POP5: variants seen among roughly 807,000 people sequenced by gnomAD.
POP5 encodes ribonuclease P/MRP protein subunit POP5.
Under a neutral mutation model 20.7 loss-of-function variants are expected in POP5, and 18 were observed. The ratio of observed to expected loss-of-function variants is 0.87; its 90% CI spans 0.60 to 1.29. The LOEUF is 1.29. POP5 is among the 50% of genes most tolerant of loss of function. POP5 has a pLI of 0.00. For missense variants in POP5, 200 were observed against 203.2 expected, an observed-to-expected ratio of 0.98 and a Z score of 0.10; for synonymous variants, 91 against 78.0, an observed-to-expected ratio of 1.17 and a Z score of -0.88.
chr12:120,578,904 CTG>C lies in POP5; in HGVS notation c.*412_*413del, dbSNP rs1434433796. 2 of 197,460 alleles carry C rather than the reference CTG, an allele frequency of 1.0e-5. No homozygotes were observed. Among genetic ancestry groups the C allele is most frequent in the Non-Finnish European group, 2.1e-5 (2 of 94,984 alleles). 12.2% of individuals were successfully genotyped at this position (197,460 alleles called of 1,614,324 possible). A position where few individuals can be genotyped will look rare whatever the true frequency, so the allele number is the denominator to read the frequency against. On this transcript the variant is annotated 3_prime_UTR_variant, in exon 5 of 5. Transcript: ENST00000357500. ...ACTACACTCCAGCCTGGGTGATAGA[CTG>C]AGACTGTCTCAAAAAAAAAAGTTTA...
intron 2 of POP5, chr12:120,580,211 C>CA (rs1174464481): frequency 2.7e-5 from 8 of 301,748 alleles, no homozygotes; most frequent in Non-Finnish European, 4.4e-5. Flanking sequence ...TGCTGCACTC[C>CA]AGCAGCCTGG....
Position 120,581,216 on chromosome 12 carries a change from C to T in POP5, c.62G>A (p.Arg21His), listed in dbSNP as rs1404770232. ...CELVSDDPRC[R>H]LSLDDRVLSS... is the part of the protein sequence containing the mutation. ...CAGAACTCGGTCATCGAGGCTTAGG[C>T]GGCAGCGGGGGTCGTCAGACACCAG... Residue 21 changes from arginine to histidine, a missense_variant, in exon 2 of 5, where the codon CGC (arginine) becomes CAC (histidine). Arg to His is a conservative substitution (Grantham distance 29). Transcript: ENST00000357500. The T allele has an allele frequency of 1.2e-6, 2 of 1,614,162 alleles. No individual in the cohort carries two copies. Among genetic ancestry groups the T allele is most frequent in the East Asian group, 4.5e-5 (2 of 44,882 alleles).
intron 3 of POP5, 61 bp downstream of exon 3, chr12:120,579,713 T>A: frequency 6.4e-7 from 1 of 1,556,400 alleles, no homozygotes. Context: ...CCCACCAGTT[T>A]AGACTGAACT....
At chr12:120,580,748 T>C (rs1350890372) in intron 2 of POP5, 5 of 247,500 alleles carry the variant, frequency 2.0e-5, no homozygotes, top group Admixed American at 1.0e-4. Flanking sequence ...CGGAGTACTT[T>C]TGACAATTTT....
intron 3 of POP5, 63 bp from the exon 4 acceptor site, chr12:120,579,660 GGTAGGGGGAAGT>G: frequency 6.5e-7 from 1 of 1,548,550 alleles, no homozygotes; most frequent in South Asian, 1.1e-5. Flanking sequence ...GACTTTCAGA[GGTAGGGGGAAGT>G]GTCTTGTTAG....
chr12:120,579,631 G>C (rs1447688159), intron 3 of POP5, 34 bp from the exon 4 acceptor site: 1 of 1,591,080 alleles, frequency 6.3e-7, no homozygotes, highest in Non-Finnish European at 8.6e-7. Flanking sequence ...AACAGCTTGT[G>C]AAAGATCTCG....
At position 120,579,811 on chromosome 12, in the gene POP5, GTGTCCTT is replaced by G. The variant is rs1327071085; in HGVS notation, c.269_275del (p.Lys90ThrfsTer16). ...ATGTGTTGAAAAAGCATGGGTAACG[GTGTCCTT>G]TGTTCTCCAAGTATGTGATGAAGGG... On this transcript the variant is annotated frameshift_variant, in exon 3 of 5. Transcript: ENST00000357500. LOFTEE classifies it high-confidence loss of function. The G allele has an allele frequency of 1.9e-6, 3 of 1,608,412 alleles. No homozygotes were observed. Among genetic ancestry groups the G allele is most frequent in the Non-Finnish European group, 1.7e-6 (2 of 1,174,816 alleles).
Position 120,579,593 on chromosome 12 carries a change from T to C in POP5, c.318A>G (p.Thr106=). ...TTAGGAACTTCTGACATGTTCTTAT[T>C]GTACCTGGCATATGAGTTACTGTGG... is the stretch of plus-strand genomic sequence containing the variant. The part of the protein sequence containing the change: ...CFFNTLHVGG[T]IRTCQKFLIQ... Residue 106 remains threonine (T), a synonymous_variant, in exon 4 of 5, where the codon ACA becomes ACG. Coordinates refer to ENST00000357500, the MANE Select transcript of POP5 (RefSeq NM_015918.4). 2 of 1,612,970 alleles carry C rather than the reference T, an allele frequency of 1.2e-6. No homozygotes were observed. Among genetic ancestry groups the C allele is most frequent in the Non-Finnish European group, 1.7e-6 (2 of 1,178,932 alleles).
rs776924484 is a variant in POP5, at chr12:120,579,942, A to G, written c.164-19T>C. The G allele has an allele frequency of 1.5e-5, 24 of 1,610,062 alleles. No individual in the cohort carries two copies. The highest frequency in any genetic ancestry group is 1.9e-5 in the Non-Finnish European group (22 of 1,178,390). On this transcript the variant is annotated intron_variant, in intron 2 of 4. Transcript: ENST00000357500. ...TATCGAACTACAACAGGAAAGAAAA[A>G]TCATTTTGGAAAACTTTTGCTCTGT... is the stretch of plus-strand genomic sequence containing the variant.
chr12:120,579,650 G>T, intron 3 of POP5, 53 bp from the exon 4 acceptor site: 2 of 1,559,138 alleles, frequency 1.3e-6, no homozygotes, highest in South Asian at 2.2e-5. Flanking sequence ...CGACCTTACA[G>T]ACTTTCAGAG....
Position 120,579,766 on chromosome 12 carries a change from A to C in POP5, c.313+8T>G. Reference sequence around the variant, plus strand: ...TGAAAATCAGTAGCCATACCACCTCACTCCTACCTCCCACATGTAATGTGT... The same window carrying C: ...TGAAAATCAGTAGCCATACCACCTCCCTCCTACCTCCCACATGTAATGTGT... On this transcript the variant is annotated splice_region_variant and intron_variant, in intron 3 of 4. Coordinates refer to ENST00000357500, the MANE Select transcript of POP5 (RefSeq NM_015918.4). 6.2e-7 allele frequency: 1 copy of C among 1,601,248 alleles called. No homozygotes were observed. The highest frequency in any genetic ancestry group is 8.6e-7 in the Non-Finnish European group (1 of 1,168,712).
rs541135322 is a variant in POP5 at position 120,578,974 on chromosome 12, G to T, written c.*344C>A. 3 of 306,152 alleles carry T rather than the reference G, an allele frequency of 9.8e-6. No homozygotes were observed. Among genetic ancestry groups the T allele is most frequent in the African/African-American group, 6.4e-5 (3 of 46,644 alleles). 19.0% of individuals were successfully genotyped at this position (306,152 alleles called of 1,614,324 possible). A position where few individuals can be genotyped will look rare whatever the true frequency, so the allele number is the denominator to read the frequency against. ...AGTCAGTCTTCCCACCAAGGCTAGG[G>T]ATAGAGAGAGAACAGAGACTTGGCC... On this transcript the variant is annotated 3_prime_UTR_variant, in exon 5 of 5. Coordinates refer to ENST00000357500, the MANE Select transcript of POP5 (RefSeq NM_015918.4).
Position 120,579,778 on chromosome 12 carries a change from C to A in POP5, c.309G>T (p.Val103=). The stretch of plus-strand genomic sequence containing the variant: ...GCCATACCACCTCACTCCTACCTCC[C>A]ACATGTAATGTGTTGAAAAAGCATG... ...RYPCFFNTLH[V]GGTIRTCQKF... The change falls in exon 3 of 5, where the codon GTG becomes GTT. Residue 103 remains valine (V), a synonymous_variant. Coordinates refer to ENST00000357500, the MANE Select transcript of POP5 (RefSeq NM_015918.4). 5 of 1,606,514 alleles carry A rather than the reference C, an allele frequency of 3.1e-6. No homozygotes were observed. Among genetic ancestry groups the A allele is most frequent in the Non-Finnish European group, 4.3e-6 (5 of 1,173,118 alleles).
Position 120,579,009 on chromosome 12 carries a change from C to T in POP5, c.*309G>A, listed in dbSNP as rs1877692596. 1.1e-5 allele frequency: 4 copies of T among 368,606 alleles called. No individual in the cohort carries two copies. Among genetic ancestry groups the T allele is most frequent in the Non-Finnish European group, 2.0e-5 (4 of 197,244 alleles). 22.8% of individuals were successfully genotyped at this position (368,606 alleles called of 1,614,324 possible). A position where few individuals can be genotyped will look rare whatever the true frequency, so the allele number is the denominator to read the frequency against. ...GAACAGAGACTTGGCCAAGCATGGA[C>T]TCCATAAGCCCTTTCTGTAATATAA... On this transcript the variant is annotated 3_prime_UTR_variant, in exon 5 of 5. Coordinates refer to ENST00000357500, the MANE Select transcript of POP5 (RefSeq NM_015918.4).
At position 120,579,288 on chromosome 12, in the gene POP5, A is replaced by C; in HGVS notation, c.*30T>G. On this transcript the variant is annotated 3_prime_UTR_variant, in exon 5 of 5. Transcript: ENST00000357500. ...CAACAAGTGGGCCTGAAGCCTGAGCAGTGTAGCCAGCTGTGTGGGGAGCAG... is the reference window on the plus strand; with the variant it reads ...CAACAAGTGGGCCTGAAGCCTGAGCCGTGTAGCCAGCTGTGTGGGGAGCAG... The C allele has an allele frequency of 6.3e-7, 1 of 1,586,502 alleles. No homozygotes were observed.
At chr12:120,579,748 CA>C (rs1215200724) in intron 3 of POP5, 25 bp downstream of exon 3, 2 of 1,589,676 alleles carry the variant, frequency 1.3e-6, no homozygotes, top group South Asian at 2.2e-5. Flanking sequence ...AATTGAAAAT[CA>C]GTAGCCATAC....
chr12:120,579,692 A>G, intron 3 of POP5, 82 bp downstream of exon 3: 1 of 1,550,730 alleles, frequency 6.4e-7, no homozygotes, highest in Non-Finnish European at 8.9e-7. Flanking sequence ...GCGGGACAGC[A>G]GCAAGACCCA....
rs1877694678 is a variant in POP5, at chr12:120,579,042, A to G, written c.*276T>C. On this transcript the variant is annotated 3_prime_UTR_variant, in exon 5 of 5. Transcript: ENST00000357500. The stretch of plus-strand genomic sequence containing the variant: ...GCCCTTTCTGTAATATAAGTATGCT[A>G]AATGCCACGGAAACCAGATACATTT... 3 of 490,580 alleles carry G rather than the reference A, an allele frequency of 6.1e-6. No individual in the cohort carries two copies. Among genetic ancestry groups the G allele is most frequent in the Non-Finnish European group, 1.1e-5 (3 of 270,138 alleles). 30.4% of individuals were successfully genotyped at this position (490,580 alleles called of 1,614,324 possible).
At position 120,579,263 on chromosome 12, in the gene POP5, C is replaced by T; in HGVS notation, c.*55G>A. On this transcript the variant is annotated 3_prime_UTR_variant, in exon 5 of 5. Transcript: ENST00000357500. ...CTGTTGCTACCCAGATTGTTCTGTT[C>T]AACAAGTGGGCCTGAAGCCTGAGCA... The T allele has an allele frequency of 6.7e-7, 1 of 1,487,718 alleles. No homozygotes were observed. The highest frequency in any genetic ancestry group is 9.4e-7 in the Non-Finnish European group (1 of 1,066,086). 92.2% of individuals were successfully genotyped at this position (1,487,718 alleles called of 1,614,324 possible).
Sources: gnomAD v4.1 joint callset for allele counts on GRCh38, gnomAD v4.1.1 for gene constraint, MANE v1.5 for transcripts, NCBI Gene and HGNC (gene_info 2026-07-23, HGNC 2026-07-21) for gene names.